MTF2: variants seen among roughly 807,000 people sequenced by gnomAD.
The protein encoded by MTF2 is metal-response element-binding transcription factor 2.
A neutral mutation model predicts 79.5 loss-of-function variants in MTF2; 11 were observed. The observed-to-expected ratio is 0.14, with a 90% CI of 0.09 to 0.23. The LOEUF (loss-of-function observed/expected upper bound fraction) is 0.23, where lower values mean the gene tolerates loss of function less well. Among genes scored for constraint, MTF2 ranks in the 10% least tolerant of loss-of-function variants. The pLI is 1.00. For synonymous variants in MTF2, 208 were observed against 232.8 expected, an observed-to-expected ratio of 0.89 and a Z score of 0.97; for missense variants, 486 against 711.2, an observed-to-expected ratio of 0.68 and a Z score of 3.60.
chr1:93,085,476 CTTT>C (rs71094225), intron 1 of MTF2, among the ~76,000 whole-genome samples: 7 of 99,590 alleles, frequency 7.0e-5, no homozygotes, highest in African/African-American at 1.7e-4. Flanking sequence ...TGCACCCGGC[CTTT>C]TTTTTTTTTT....
In MTF2 at chr1:93,110,958, A is replaced by G. The variant is rs148075141; in HGVS notation, c.286+332A>G. ...TTATATTTGTAGAAAGCAAGTGTTT[A>G]TTGGGAGCATACTGTTTGTCAGATG... On this transcript the variant is annotated intron_variant, in intron 3 of 14. Coordinates refer to ENST00000370298, the MANE Select transcript of MTF2 (RefSeq NM_007358.4). Among the ~76,000 whole-genome samples the G allele has an allele frequency of 3.7e-3, 563 of 152,322 alleles. 2 individuals carry two copies. Among genetic ancestry groups the G allele is most frequent in the Non-Finnish European group, 6.0e-3 (411 of 68,002 alleles).
At chr1:93,096,409 A>T (rs1655288177) in intron 1 of MTF2, among the ~76,000 whole-genome samples, 1 of 152,144 alleles carries the variant, frequency 6.6e-6, no homozygotes. Flanking sequence ...TGAGCTGTGG[A>T]TCTTAATAGC....
chr1:93,115,214 CTATT>C (rs1195668333), intron 5 of MTF2, 126 bp downstream of exon 5: 2 of 742,468 alleles, frequency 2.7e-6, no homozygotes, highest in Non-Finnish European at 4.3e-6. Flanking sequence ...GAAAGAGGTG[CTATT>C]TATTTGACTA....
intron 1 of MTF2, among the ~76,000 whole-genome samples, chr1:93,097,972 A>C (rs1408103634): frequency 6.6e-6 from 1 of 152,046 alleles, no homozygotes; most frequent in East Asian, 1.9e-4. Flanking sequence ...GTGTTTGTTT[A>C]TTCAGCCAGT....
rs79739409 is a variant in MTF2, at chr1:93,106,641, T to G, written c.6-3589T>G. On this transcript the variant is annotated intron_variant, in intron 1 of 14. Transcript: ENST00000370298. ...TTCAAGACATTTTCCTGCCTCAGCC[T>G]GCCAGGTAGCTGGGATGACAGGCAT... Among the ~76,000 whole-genome samples, 109 of 152,238 alleles carry G rather than the reference T, an allele frequency of 7.2e-4. No individual in the cohort carries two copies. In the East Asian group the frequency reaches 0.02, roughly 28 times the overall value.
chr1:93,120,424 G>T, intron 8 of MTF2, 125 bp from the exon 9 acceptor site: 2 of 769,078 alleles, frequency 2.6e-6, no homozygotes, highest in Non-Finnish European at 3.8e-6. Flanking sequence ...TTATTGTATT[G>T]TGAATATGAC....
Position 93,079,324 on chromosome 1 carries a change from G to C in MTF2, c.-203G>C. Reference sequence around the variant, plus strand: ...AAATGGCGAGGGGCTGTATTGAAGTGGGCTGTGTTTGAGGCCGGTGTAAGA... The same window carrying C: ...AAATGGCGAGGGGCTGTATTGAAGTCGGCTGTGTTTGAGGCCGGTGTAAGA... On this transcript the variant is annotated 5_prime_UTR_variant, in exon 1 of 15. Coordinates refer to ENST00000370298, the MANE Select transcript of MTF2 (RefSeq NM_007358.4). 4.8e-6 allele frequency: 3 copies of C among 626,110 alleles called. No individual in the cohort carries two copies. In the South Asian group the frequency reaches 5.6e-5, roughly 12 times the overall value. The allele number at this position is 626,110 out of a possible 1,614,324, so 38.8% of individuals were successfully genotyped here. A position where few individuals can be genotyped will look rare whatever the true frequency, so the allele number is the denominator to read the frequency against.
At chr1:93,125,955 G>T (rs547932796) in intron 9 of MTF2, among the ~76,000 whole-genome samples, 1 of 152,142 alleles carries the variant, frequency 6.6e-6, no homozygotes, top group East Asian at 1.9e-4. Context: ...TTAAGCCAAG[G>T]TCGAATAAAT....
chr1:93,104,952 C>T (rs1435238570), intron 1 of MTF2, among the ~76,000 whole-genome samples: 1 of 151,510 alleles, frequency 6.6e-6, no homozygotes, highest in African/African-American at 2.4e-5. Flanking sequence ...GTCAGGAGAT[C>T]GAGACCAAGG....
In MTF2 at chr1:93,133,998, T is replaced by C; in HGVS notation, c.1319+18T>C. On this transcript the variant is annotated intron_variant, in intron 13 of 14. Transcript: ENST00000370298. ...TCTATAGGGTAAATAGAAAGTTATT[T>C]TCTCCCTTTCTAGGTTTTGTCTTTT... 6.4e-7 allele frequency: 1 copy of C among 1,563,132 alleles called. No individual in the cohort carries two copies. The highest frequency in any genetic ancestry group is 8.8e-7 in the Non-Finnish European group (1 of 1,141,980).
intron 14 of MTF2, among the ~76,000 whole-genome samples, chr1:93,135,873 G>T (rs1042276536): frequency 6.6e-6 from 1 of 152,222 alleles, no homozygotes; most frequent in Non-Finnish European, 1.5e-5. Flanking sequence ...TTTTACAGAT[G>T]AGGAAAGTGA....
At chr1:93,119,574 TG>T (rs1266000308) in intron 8 of MTF2, 173 bp downstream of exon 8, 1 of 550,136 alleles carries the variant, frequency 1.8e-6, no homozygotes, top group African/African-American at 2.0e-5. Context: ...AACATCCACT[TG>T]TATTGCTAAA....
chr1:93,090,170 G>A (rs1392868716), intron 1 of MTF2, among the ~76,000 whole-genome samples: 1 of 152,138 alleles, frequency 6.6e-6, no homozygotes. Context: ...TAGAGACGGG[G>A]TTTCACCGTG....
chr1:93,115,947 G>T (rs1033516761), intron 6 of MTF2, among the ~76,000 whole-genome samples: 2 of 152,164 alleles, frequency 1.3e-5, no homozygotes, highest in Non-Finnish European at 2.9e-5. Flanking sequence ...TAATGTGATT[G>T]ACCATTTAGA....
rs563201232 is a variant in MTF2 at position 93,118,749 on chromosome 1, A to G, written c.728+309A>G. On this transcript the variant is annotated intron_variant, in intron 7 of 14. Coordinates refer to ENST00000370298, the MANE Select transcript of MTF2 (RefSeq NM_007358.4). ...GATAGTATTAGAATTGGAAAAGACC[A>G]CAGGGCCTTGTTAAAGACACAACTA... 5.9e-5 allele frequency among the ~76,000 whole-genome samples: 9 copies of G among 152,344 alleles called. No homozygotes were observed. The South Asian group carries it at 1.7e-3, about 28-fold the overall frequency.
intron 1 of MTF2, among the ~76,000 whole-genome samples, chr1:93,089,391 A>G (rs1032896981): frequency 1.1e-4 from 16 of 152,196 alleles, no homozygotes; most frequent in Admixed American, 3.3e-4. Context: ...AGTTTATTCA[A>G]GAGAGATTTT....
rs1021215970 is a variant in MTF2 at position 93,133,819 on chromosome 1, A to G, written c.1266+11A>G. On this transcript the variant is annotated intron_variant, in intron 12 of 14. Transcript: ENST00000370298. ...GCTGAGCCACTTTTGGTAAGAGGAT[A>G]TGTTGGTATATGTTCTCAAGAAGAA... 1.3e-6 allele frequency: 2 copies of G among 1,572,906 alleles called. No individual in the cohort carries two copies. Among genetic ancestry groups the G allele is most frequent in the Admixed American group, 1.7e-5 (1 of 58,226 alleles).
chr1:93,101,824 C>T (rs1429103861), intron 1 of MTF2, among the ~76,000 whole-genome samples: 3 of 151,984 alleles, frequency 2.0e-5, no homozygotes, highest in Non-Finnish European at 2.9e-5. Flanking sequence ...GCACTCCTCC[C>T]GCCTTGGCCT....
rs767694863 is a variant in MTF2, at chr1:93,110,343, A to G, written c.119A>G (p.Lys40Arg). The change falls in exon 2 of 15, where the codon AAA becomes AGA. Residue 40 changes from lysine to arginine, a missense_variant. Lys to Arg is a conservative substitution (Grantham distance 26, BLOSUM62 2). Coordinates refer to ENST00000370298, the MANE Select transcript of MTF2 (RefSeq NM_007358.4). ...KLSLQDGHKAKKPACKFEEGQ... is the reference protein window; with the variant it reads ...KLSLQDGHKARKPACKFEEGQ... ...TCTTTACAGGATGGACATAAAGCCA[A>G]AAAGCCAGCATGTAAATTTGAAGAG... 2 of 1,614,194 alleles carry G rather than the reference A, an allele frequency of 1.2e-6. No homozygotes were observed. Among genetic ancestry groups the G allele is most frequent in the South Asian group, 1.1e-5 (1 of 91,084 alleles).
Sources: gnomAD v4.1 joint callset for allele counts (sites outside exome capture counted in the v4.1 genomes callset) on GRCh38, gnomAD v4.1.1 for gene constraint, MANE v1.5 for transcripts, NCBI Gene and HGNC (gene_info 2026-07-23, HGNC 2026-07-21) for gene names.